The following DDX51 variants were observed in gnomAD, a reference collection of about 807,000 sequenced individuals.
The protein encoded by DDX51 is DEAD-box helicase 51.
A neutral mutation model predicts 74.6 loss-of-function variants in DDX51; 67 were observed. The ratio of observed to expected loss-of-function variants is 0.90; its 90% confidence interval spans 0.74 to 1.10. The LOEUF is 1.10. Among genes scored for constraint, DDX51 ranks in the 50% least tolerant of loss-of-function variants. The pLI is 0.00. For missense variants in DDX51, 1,056 were observed against 905.2 expected, an observed-to-expected ratio of 1.17 and a Z score of -2.14; for synonymous variants, 545 against 402.9, an observed-to-expected ratio of 1.35 and a Z score of -4.22.
intron 1 of DDX51, 38 bp from the exon 2 acceptor site, chr12:132,143,947 C>G: frequency 2.0e-6 from 3 of 1,473,128 alleles, no homozygotes; most frequent in Non-Finnish European, 2.7e-6. Flanking sequence ...GCGTCAGCAC[C>G]GAGTCGCCGG....
At chr12:132,141,176 G>C (rs1178870306) in intron 8 of DDX51, 99 bp downstream of exon 8, 22 of 1,507,498 alleles carry the variant, frequency 1.5e-5, no homozygotes, top group East Asian at 2.3e-5. Context: ...CTGTGCACCA[G>C]AGCTCAAGCC....
chr12:132,140,051 G>A (rs774579369), intron 12 of DDX51, 47 bp downstream of exon 12: 8 of 1,606,702 alleles, frequency 5.0e-6, no homozygotes, highest in Non-Finnish European at 6.0e-6. Flanking sequence ...ACGCCCAGGA[G>A]CTCACAAAGC....
Position 132,142,764 on chromosome 12 carries a change from G to A in DDX51, c.634C>T (p.Gln212Ter), listed in dbSNP as rs1897518122. The A allele has an allele frequency of 1.2e-6, 2 of 1,613,064 alleles. No homozygotes were observed. Among genetic ancestry groups the A allele is most frequent in the Non-Finnish European group, 1.7e-6 (2 of 1,180,010 alleles). The change falls in exon 3 of 15, where the codon CAG (glutamine) becomes TAG (stop). Residue 212 changes from glutamine to a stop codon, truncating the protein, a stop_gained. Transcript: ENST00000397333. LOFTEE classifies it high-confidence loss of function. ...GACGAGATGCCGTGTGCCCGCAGCT[G>A]CTTCTGCAGGTCAGGATGGACGTCA... ...IPDVHPDLQK[Q>*]LRAHGISSYF...
At chr12:132,139,576 A>T (rs764414990) in intron 14 of DDX51, 59 bp downstream of exon 14, 1 of 1,612,598 alleles carries the variant, frequency 6.2e-7, no homozygotes. Flanking sequence ...TGTGGTGACG[A>T]CGCCCTCTCT....
Position 132,140,483 on chromosome 12 carries a change from C to T in DDX51, c.1613G>A (p.Arg538His), listed in dbSNP as rs779985394. The change falls in exon 11 of 15, where the codon CGC becomes CAC. Residue 538 changes from arginine to histidine, a missense_variant. Transcript: ENST00000397333. Reference sequence around the variant, plus strand: ...CATCCTCCTCTGGCCAGGCCCGTAGCGCGAGGAGAACTCAGCCACGTCCAC... The same window carrying T: ...CATCCTCCTCTGGCCAGGCCCGTAGTGCGAGGAGAACTCAGCCACGTCCAC... ...GGVDVAEFSS[R>H]YGPGQRRMIL... The T allele has an allele frequency of 7.4e-6, 12 of 1,613,086 alleles. No homozygotes were observed. The highest frequency in any genetic ancestry group is 1.7e-5 in the Admixed American group (1 of 60,008).
intron 5 of DDX51, 66 bp downstream of exon 5, chr12:132,142,053 T>C (rs1807886341): frequency 1.1e-5 from 18 of 1,595,408 alleles, no homozygotes; most frequent in Non-Finnish European, 1.5e-5. Flanking sequence ...CAGGGGCTGA[T>C]CGCTGTGCAC....
At chr12:132,140,784 C>G (rs1409846260) in intron 9 of DDX51, 47 bp downstream of exon 9, 1 of 1,613,026 alleles carries the variant, frequency 6.2e-7, no homozygotes, top group Non-Finnish European at 8.5e-7. Context: ...TGGTTAGGGG[C>G]CCCAGGTTCC....
At position 132,139,165 on chromosome 12, in the gene DDX51, C is replaced by G; in HGVS notation, c.*107G>C. The stretch of plus-strand genomic sequence containing the variant: ...CGTGCTTGGGGAGGAAGGCTGTGTC[C>G]ACTGGGGGATTCCTTTCCTCACATA... On this transcript the variant is annotated 3_prime_UTR_variant, in exon 15 of 15. Transcript: ENST00000397333. 6.7e-7 allele frequency: 1 copy of G among 1,484,402 alleles called. No homozygotes were observed. The highest frequency in any genetic ancestry group is 1.2e-5 in the South Asian group (1 of 82,466). The allele number at this position is 1,484,402 out of a possible 1,614,324, so 92.0% of individuals were successfully genotyped here. A position where few individuals can be genotyped will look rare whatever the true frequency, so the allele number is the denominator to read the frequency against.
intron 12 of DDX51, 59 bp from the exon 13 acceptor site, chr12:132,139,983 A>G (rs1269229751): frequency 3.7e-6 from 6 of 1,611,028 alleles, no homozygotes; most frequent in Admixed American, 1.7e-5. Flanking sequence ...GTCTGACGGA[A>G]CGACAGCTTC....
rs752319002 is a variant in DDX51, at chr12:132,140,723, G to A, written c.1453C>T (p.Pro485Ser). The change falls in exon 10 of 15, where the codon CCC (proline) becomes TCC (serine). Residue 485 changes from proline (P) to serine (S), a missense_variant. Pro to Ser is a moderately conservative substitution (Grantham distance 74). Transcript: ENST00000397333. ...AGCGGCTTAGAGCTGAGGCTGCAGG[G>A]CACGTAGTGGTGCTACAGGGACGGC... is the stretch of plus-strand genomic sequence containing the variant. Reference protein sequence around the residue: ...FPVGLTHHYVPCSLSSKPLVV... With the variant: ...FPVGLTHHYVSCSLSSKPLVV... 5 of 1,613,096 alleles carry A rather than the reference G, an allele frequency of 3.1e-6. No homozygotes were observed. The highest frequency in any genetic ancestry group is 1.1e-5 in the South Asian group (1 of 91,086).
chr12:132,142,760 A>C lies in DDX51; in HGVS notation c.638T>G (p.Leu213Arg). 6.2e-7 allele frequency: 1 copy of C among 1,613,008 alleles called. No homozygotes were observed. Among genetic ancestry groups the C allele is most frequent in the Non-Finnish European group, 8.5e-7 (1 of 1,179,996 alleles). ...PDVHPDLQKQ[L>R]RAHGISSYFP... Reference sequence around the variant, plus strand: ...GTAGGACGAGATGCCGTGTGCCCGCAGCTGCTTCTGCAGGTCAGGATGGAC... The same window carrying C: ...GTAGGACGAGATGCCGTGTGCCCGCCGCTGCTTCTGCAGGTCAGGATGGAC... The change falls in exon 3 of 15, where the codon CTG (leucine) becomes CGG (arginine). Residue 213 changes from leucine (L) to arginine (R), a missense_variant. Leu to Arg is a moderately radical substitution (Grantham distance 102). Coordinates refer to ENST00000397333, the MANE Select transcript of DDX51 (RefSeq NM_175066.4).
chr12:132,141,377 G>A lies in DDX51; in HGVS notation c.1148C>T (p.Ser383Phe). Residue 383 changes from serine to phenylalanine, a missense_variant, in exon 8 of 15, where the codon TCC becomes TTC. Physicochemically the swap from Ser to Phe is radical, Grantham distance 155. Transcript: ENST00000397333. Reference protein sequence around the residue: ...ADRMIDSMHQSWLPRVVAAAF... With the variant: ...ADRMIDSMHQFWLPRVVAAAF... Reference sequence around the variant, plus strand: ...GGCCGCCACCACCCGCGGCAGCCAGGACTGATGCATGCTGTCAATCATCCG... The same window carrying A: ...GGCCGCCACCACCCGCGGCAGCCAGAACTGATGCATGCTGTCAATCATCCG... 1.3e-6 allele frequency: 2 copies of A among 1,598,224 alleles called. No individual in the cohort carries two copies. The highest frequency in any genetic ancestry group is 1.7e-6 in the Non-Finnish European group (2 of 1,179,480).
In DDX51 at chr12:132,142,247, G is replaced by A. The variant is rs374083361; in HGVS notation, c.816+30C>T. ...GCTGTTACCTGTCCTCTGCACACCC[G>A]CTGTAGAGAAAGGGGACCCTCACAC... On this transcript the variant is annotated intron_variant, in intron 4 of 14. Transcript: ENST00000397333. The A allele has an allele frequency of 1.4e-5, 23 of 1,609,804 alleles. No homozygotes were observed. The East Asian group carries it at 1.8e-4, about 12-fold the overall frequency.
chr12:132,142,686 C>T (rs756532360), intron 3 of DDX51, 42 bp downstream of exon 3: 1 of 1,606,070 alleles, frequency 6.2e-7, no homozygotes, highest in Non-Finnish European at 8.5e-7. Flanking sequence ...TGTGGGTGCC[C>T]AGGGAGGTGT....
In DDX51 at chr12:132,137,986, AT is replaced by A. The variant is rs1593417010; in HGVS notation, c.*1285del. On this transcript the variant is annotated 3_prime_UTR_variant, in exon 15 of 15. Transcript: ENST00000397333. ...TCAGTTAGCGTCAGGTTCCGGGTTCATCCACGGGGTGCCTATGCTGGTGCCT... is the reference window on the plus strand; with the variant it reads ...TCAGTTAGCGTCAGGTTCCGGGTTCACCACGGGGTGCCTATGCTGGTGCCT... 1 of 152,214 alleles carries A rather than the reference AT, an allele frequency of 6.6e-6. No individual in the cohort carries two copies. The highest frequency in any genetic ancestry group is 1.9e-4 in the East Asian group (1 of 5,196). The allele number at this position is 152,214 out of a possible 1,614,324, so 9.4% of individuals were successfully genotyped here.
Position 132,139,705 on chromosome 12 carries a change from G to A in DDX51, c.1904C>T (p.Ser635Phe), listed in dbSNP as rs370895945. ...AACCAGCGGCTGCAGCAGCTTGCTG[G>A]AGAGCTCGTGCCGCTGCAACTCAGG... ...GAPELQRHEL[S>F]SKLLQPLVPR... The change falls in exon 14 of 15, where the codon TCC becomes TTC. Residue 635 changes from serine (S) to phenylalanine (F), a missense_variant. Coordinates refer to ENST00000397333, the MANE Select transcript of DDX51 (RefSeq NM_175066.4). 4.6e-5 allele frequency: 74 copies of A among 1,612,920 alleles called. No individual in the cohort carries two copies. The highest frequency in any genetic ancestry group is 3.3e-5 in the Admixed American group (2 of 60,010).
At chr12:132,139,472 A>G (rs921570480) in intron 14 of DDX51, 163 bp downstream of exon 14, 2 of 1,533,498 alleles carry the variant, frequency 1.3e-6, no homozygotes, top group African/African-American at 1.4e-5. Flanking sequence ...ACTGGTGCCC[A>G]GGGGCTCCCC....
At position 132,139,899 on chromosome 12, in the gene DDX51, T is replaced by C; in HGVS notation, c.1801A>G (p.Lys601Glu). 1.9e-6 allele frequency: 3 copies of C among 1,613,092 alleles called. No homozygotes were observed. The highest frequency in any genetic ancestry group is 2.5e-6 in the Non-Finnish European group (3 of 1,179,984). The change falls in exon 13 of 15, where the codon AAA becomes GAA. Residue 601 changes from lysine to glutamate, a missense_variant. Lys to Glu is a moderately conservative substitution (Grantham distance 56). Coordinates refer to ENST00000397333, the MANE Select transcript of DDX51 (RefSeq NM_175066.4). ...AGCAGTGTGAAGGCCTGTCCAGTTTTCCCAGCGCGAGCTGTCCTCCCAACC... is the reference window on the plus strand; with the variant it reads ...AGCAGTGTGAAGGCCTGTCCAGTTTCCCCAGCGCGAGCTGTCCTCCCAACC... The part of the protein sequence containing the change: ...HRVGRTARAG[K>E]TGQAFTLLLK...
Position 132,139,900 on chromosome 12 carries a change from C to T in DDX51, c.1800G>A (p.Gly600=), listed in dbSNP as rs1381407164. The T allele has an allele frequency of 1.9e-6, 3 of 1,613,124 alleles. No individual in the cohort carries two copies. Among genetic ancestry groups the T allele is most frequent in the Non-Finnish European group, 2.5e-6 (3 of 1,179,994 alleles). The part of the protein sequence containing the change: ...VHRVGRTARA[G]KTGQAFTLLL... ...GCAGTGTGAAGGCCTGTCCAGTTTT[C>T]CCAGCGCGAGCTGTCCTCCCAACCC... is the stretch of plus-strand genomic sequence containing the variant. The change falls in exon 13 of 15, where the codon GGG becomes GGA. Residue 600 remains glycine, a synonymous_variant. Transcript: ENST00000397333.
Sources: gnomAD v4.1 joint callset for allele counts on GRCh38, gnomAD v4.1.1 for gene constraint, MANE v1.5 for transcripts, NCBI Gene and HGNC (gene_info 2026-07-23, HGNC 2026-07-21) for gene names.